LEPR: variants seen among roughly 807,000 people sequenced by gnomAD.
The protein encoded by LEPR is OB receptor.
In LEPR, 56 loss-of-function variants were observed where a neutral mutation model predicts 114.7. That is an observed-to-expected ratio of 0.49 (90% CI 0.39 to 0.61). The LOEUF (loss-of-function observed/expected upper bound fraction) is 0.61. Ranked by LOEUF, LEPR falls within the 20% of genes least tolerant of loss-of-function variation. The pLI, the probability that LEPR is intolerant of heterozygous loss-of-function variation, is 0.00. For missense variants in LEPR, 1,202 were observed against 1,352.9 expected (o/e 0.89, Z 1.75); for synonymous variants, 443 against 461.4 (o/e 0.96, Z 0.51).
chr1:65,617,130 T>C, intron 15 of LEPR, among the ~76,000 whole-genome samples: 1 of 152,140 alleles, frequency 6.6e-6, no homozygotes, highest in Non-Finnish European at 1.5e-5. Context: ...GTGGGAATTG[T>C]AATGTGAGAA....
At chr1:65,492,892 G>A (rs1313089815) in intron 2 of LEPR, among the ~76,000 whole-genome samples, 1 of 150,990 alleles carries the variant, frequency 6.6e-6, no homozygotes, top group Non-Finnish European at 1.5e-5. Flanking sequence ...GGATACATGT[G>A]CAGGACGTGC....
intron 14 of LEPR, among the ~76,000 whole-genome samples, chr1:65,612,331 C>T (rs775883150): frequency 2.8e-4 from 43 of 152,202 alleles, no homozygotes; most frequent in African/African-American, 9.7e-4. Flanking sequence ...TAGTATGATA[C>T]ATTTGTTACA....
At chr1:65,521,882 T>C (rs1023606663) in intron 2 of LEPR, among the ~76,000 whole-genome samples, 82 of 152,176 alleles carry the variant, frequency 5.4e-4, no homozygotes, top group Middle Eastern at 3.4e-3. Context: ...GGCGGATCAA[T>C]TGACGTCAGG....
At chr1:65,439,979 C>T (rs891650253) in intron 2 of LEPR, among the ~76,000 whole-genome samples, 5 of 112,344 alleles carry the variant, frequency 4.5e-5, no homozygotes, top group Admixed American at 1.4e-4. Context: ...CCAGCCTGGG[C>T]GAGGAAGAGA....
intron 2 of LEPR, among the ~76,000 whole-genome samples, chr1:65,450,817 A>G (rs1369610322): frequency 7.9e-5 from 12 of 151,918 alleles, no homozygotes; most frequent in Middle Eastern, 3.4e-3. Flanking sequence ...GGGTCAAATG[A>G]TATTTCTAGT....
At chr1:65,610,144 T>TA (rs776452622) in intron 13 of LEPR, 38 bp downstream of exon 13, 4 of 1,614,176 alleles carry the variant, frequency 2.5e-6, no homozygotes, top group Non-Finnish European at 3.4e-6. Flanking sequence ...TGAAAGTGCA[T>TA]AAGTGTGTGC....
At chr1:65,565,932 A>T (rs1421475811) in intron 3 of LEPR, among the ~76,000 whole-genome samples, 9 of 151,970 alleles carry the variant, frequency 5.9e-5, no homozygotes, top group African/African-American at 2.2e-4. Context: ...CAAAAATAGC[A>T]CTGGTCTGTA....
intron 2 of LEPR, among the ~76,000 whole-genome samples, chr1:65,506,959 G>A (rs1368911331): frequency 2.0e-5 from 3 of 152,138 alleles, no homozygotes; most frequent in Non-Finnish European, 4.4e-5. Context: ...CCCACTGCCA[G>A]CCTTTGGTTA....
At chr1:65,423,070 G>A (rs1346842684) in intron 1 of LEPR, among the ~76,000 whole-genome samples, 1 of 152,202 alleles carries the variant, frequency 6.6e-6, no homozygotes, top group African/African-American at 2.4e-5. Flanking sequence ...AGTCCTCTAA[G>A]ATAGGACCTT....
At chr1:65,421,589 TA>T in intron 1 of LEPR, 1 of 1,032,634 alleles carries the variant, frequency 9.7e-7, no homozygotes, top group Non-Finnish European at 1.4e-6. Flanking sequence ...AACATGTAGA[TA>T]GTATATATAC....
intron 2 of LEPR, chr1:65,434,185 G>A: frequency 2.0e-6 from 2 of 983,512 alleles, no homozygotes; most frequent in Non-Finnish European, 2.4e-6. Flanking sequence ...TGTCTGAAAA[G>A]AGAGCTATTC....
At chr1:65,618,987 C>A (rs1339807233) in intron 16 of LEPR, among the ~76,000 whole-genome samples, 1 of 152,094 alleles carries the variant, frequency 6.6e-6, no homozygotes, top group Non-Finnish European at 1.5e-5. Flanking sequence ...GGTATTCTCC[C>A]AAAGTTAGAC....
chr1:65,547,481 C>T (rs1220999922), intron 2 of LEPR, among the ~76,000 whole-genome samples: 10 of 151,706 alleles, frequency 6.6e-5, no homozygotes, highest in Non-Finnish European at 1.3e-4. Flanking sequence ...GCCACAATTT[C>T]AGATCCTGTT....
chr1:65,521,936 C>T (rs929580496), intron 2 of LEPR, among the ~76,000 whole-genome samples: 1 of 152,084 alleles, frequency 6.6e-6, no homozygotes, highest in African/African-American at 2.4e-5. Flanking sequence ...CCCGTCTCTA[C>T]TAAAAATACA....
chr1:65,499,129 T>A (rs1281799102), intron 2 of LEPR, among the ~76,000 whole-genome samples: 1 of 152,250 alleles, frequency 6.6e-6, no homozygotes, highest in East Asian at 1.9e-4. Context: ...GGCACTTTAC[T>A]ATGTCTAAAT....
At chr1:65,598,069 C>G (rs1361091113) in intron 7 of LEPR, among the ~76,000 whole-genome samples, 1 of 146,116 alleles carries the variant, frequency 6.8e-6, no homozygotes, top group East Asian at 2.0e-4. Context: ...ATTTTGATCT[C>G]CTAGGCTCAA....
chr1:65,573,130 C>A (rs563172520), intron 5 of LEPR, among the ~76,000 whole-genome samples: 5 of 152,310 alleles, frequency 3.3e-5, no homozygotes, highest in Admixed American at 1.3e-4. Flanking sequence ...GCAATTATAC[C>A]TTTTACAGAC....
chr1:65,608,902 G>A lies in LEPR; in HGVS notation c.1752+1G>A, dbSNP rs866641122. On this transcript the variant is annotated splice_donor_variant, in intron 12 of 19. Transcript: ENST00000349533. LOFTEE classifies it high-confidence loss of function. ...AAGTGGAAAAGAAGTACAATGGAAG[G>A]TACCTTTTACTTAGAACTTCAGCTT... 3.2e-5 allele frequency: 52 copies of A among 1,613,370 alleles called. No individual in the cohort carries two copies. Among genetic ancestry groups the A allele is most frequent in the Non-Finnish European group, 4.2e-5 (50 of 1,179,730 alleles).
At chr1:65,604,433 C>T (rs561883784) in intron 10 of LEPR, among the ~76,000 whole-genome samples, 2 of 152,244 alleles carry the variant, frequency 1.3e-5, no homozygotes, top group South Asian at 4.1e-4. Flanking sequence ...CAACCTCCGC[C>T]TCCCCAGTTC....
Sources: gnomAD v4.1 joint callset for allele counts (sites outside exome capture counted in the v4.1 genomes callset) on GRCh38, gnomAD v4.1.1 for gene constraint, MANE v1.5 for transcripts, NCBI Gene and HGNC (gene_info 2026-07-23, HGNC 2026-07-21) for gene names.